The following PTGFRN variants were observed in gnomAD, a reference collection of about 807,000 sequenced individuals.
PTGFRN encodes prostaglandin F2 receptor inhibitor.
In PTGFRN, 35 loss-of-function variants were observed where a neutral mutation model predicts 83.2. The ratio of observed to expected loss-of-function variants is 0.42; its 90% CI spans 0.32 to 0.56. The LOEUF is 0.56. PTGFRN is among the 20% of genes least tolerant of loss of function. PTGFRN has a pLI of 0.11. For missense variants in PTGFRN, 1,051 were observed against 1,179.5 expected, an observed-to-expected ratio of 0.89 and a Z score of 1.60; for synonymous variants, 519 against 498.6, an observed-to-expected ratio of 1.04 and a Z score of -0.55.
chr1:116,977,726 G>A (rs957115836), intron 7 of PTGFRN, among the ~76,000 whole-genome samples: 20 of 152,208 alleles, frequency 1.3e-4, no homozygotes, highest in Non-Finnish European at 1.8e-4. Flanking sequence ...AAAGCAGTGT[G>A]TAGAGGGAAA....
At chr1:116,913,707 G>A (rs1570640715) in intron 1 of PTGFRN, among the ~76,000 whole-genome samples, 2 of 152,172 alleles carry the variant, frequency 1.3e-5, no homozygotes, top group Admixed American at 1.3e-4. Flanking sequence ...AACTCATACT[G>A]GTTGTTTGAT....
At chr1:116,915,589 A>G (rs1649383953) in intron 1 of PTGFRN, among the ~76,000 whole-genome samples, 3 of 152,222 alleles carry the variant, frequency 2.0e-5, no homozygotes, top group Admixed American at 1.3e-4. Context: ...GTCAGTGATC[A>G]TTCCTTACAA....
rs916469855 is a variant in PTGFRN at position 116,949,482 on chromosome 1, G to A, written c.1123G>A (p.Val375Met). 3 of 1,614,204 alleles carry A rather than the reference G, an allele frequency of 1.9e-6. No individual in the cohort carries two copies. The highest frequency in any genetic ancestry group is 2.2e-5 in the East Asian group (1 of 44,892). ...AAACTCTGGCTACTATTACTGCCAC[G>A]TGTCCCTGTGGGCACCCGGACACAA... ...KENSGYYYCH[V>M]SLWAPGHNRS... Residue 375 changes from valine to methionine, a missense_variant, in exon 4 of 9, where the codon GTG becomes ATG. Coordinates refer to ENST00000393203, the MANE Select transcript of PTGFRN (RefSeq NM_020440.4).
chr1:116,982,769 C>T (rs910047722), intron 7 of PTGFRN, among the ~76,000 whole-genome samples: 5 of 152,200 alleles, frequency 3.3e-5, no homozygotes, highest in Middle Eastern at 3.2e-3. Flanking sequence ...TCTGTCCCTT[C>T]ACTAGTCAGT....
chr1:116,963,167 C>T (rs1650721217), intron 5 of PTGFRN, among the ~76,000 whole-genome samples: 1 of 152,236 alleles, frequency 6.6e-6, no homozygotes, highest in African/African-American at 2.4e-5. Context: ...AACATGTTGA[C>T]TGGTCTCCCT....
intron 1 of PTGFRN, among the ~76,000 whole-genome samples, chr1:116,928,837 G>A (rs1649720000): frequency 6.6e-6 from 1 of 152,118 alleles, no homozygotes; most frequent in Non-Finnish European, 1.5e-5. Flanking sequence ...CTGAAAAAAA[G>A]TAAGGGCTCT....
Position 116,987,974 on chromosome 1 carries a change from T to C in PTGFRN, c.*1007T>C, listed in dbSNP as rs1651557358. On this transcript the variant is annotated 3_prime_UTR_variant, in exon 9 of 9. Transcript: ENST00000393203. Reference sequence around the variant, plus strand: ...CACTATTCCTCTCTCTTGCCCATTGTGGGGGGCAAAGGCATTGGTCACCAA... The same window carrying C: ...CACTATTCCTCTCTCTTGCCCATTGCGGGGGGCAAAGGCATTGGTCACCAA... 5 of 152,188 alleles carry C rather than the reference T, an allele frequency of 3.3e-5. No individual in the cohort carries two copies. The allele number at this position is 152,188 out of a possible 1,614,324, so 9.4% of individuals were successfully genotyped here. A position where few individuals can be genotyped will look rare whatever the true frequency, so the allele number is the denominator to read the frequency against.
intron 1 of PTGFRN, among the ~76,000 whole-genome samples, chr1:116,938,156 T>C (rs1649968257): frequency 6.6e-6 from 1 of 152,156 alleles, no homozygotes; most frequent in Non-Finnish European, 1.5e-5. Context: ...TGCTGGGTAG[T>C]GATATATTAT....
intron 3 of PTGFRN, among the ~76,000 whole-genome samples, chr1:116,948,842 T>C (rs111515534): frequency 0.012 from 1,828 of 152,328 alleles, 27 homozygotes; most frequent in African/African-American, 0.042. Flanking sequence ...TGTGTGACCT[T>C]GGGCAAGTTA....
intron 1 of PTGFRN, among the ~76,000 whole-genome samples, chr1:116,926,809 C>T (rs1649670582): frequency 6.6e-6 from 1 of 152,010 alleles, no homozygotes. Flanking sequence ...TGGAATAACA[C>T]ATGTATTAGA....
chr1:116,940,949 G>C (rs1175898394), intron 1 of PTGFRN, among the ~76,000 whole-genome samples: 1 of 152,166 alleles, frequency 6.6e-6, no homozygotes, highest in African/African-American at 2.4e-5. Context: ...GAGAGGGCTG[G>C]GAATTGCACA....
chr1:116,967,207 C>T lies in PTGFRN; in HGVS notation c.1936C>T (p.Gln646Ter), dbSNP rs140095202. The T allele has an allele frequency of 6.2e-7, 1 of 1,614,182 alleles. No individual in the cohort carries two copies. Among genetic ancestry groups the T allele is most frequent in the South Asian group, 1.1e-5 (1 of 91,080 alleles). ...DEFRYRMYQT[Q>*]VSDAGLYRCM... ...GTTCCGCTATCGAATGTACCAGACT[C>T]AGGTCTCAGACGCAGGGCTGTACCG... The change falls in exon 6 of 9, where the codon CAG (glutamine) becomes TAG (stop). Residue 646 changes from glutamine to a stop codon, truncating the protein, a stop_gained. Coordinates refer to ENST00000393203, the MANE Select transcript of PTGFRN (RefSeq NM_020440.4). LOFTEE classifies it high-confidence loss of function.
At chr1:116,981,501 G>C (rs900329732) in intron 7 of PTGFRN, among the ~76,000 whole-genome samples, 1 of 152,224 alleles carries the variant, frequency 6.6e-6, no homozygotes, top group Non-Finnish European at 1.5e-5. Flanking sequence ...AGCAAAGGGC[G>C]GTGGCCTGCA....
At chr1:116,914,885 C>T (rs1649362725) in intron 1 of PTGFRN, among the ~76,000 whole-genome samples, 1 of 152,080 alleles carries the variant, frequency 6.6e-6, no homozygotes, top group African/African-American at 2.4e-5. Flanking sequence ...AGGCTCTGCA[C>T]CTAATAGGCA....
chr1:116,951,444 T>C (rs1195763875), intron 4 of PTGFRN, among the ~76,000 whole-genome samples: 2 of 152,260 alleles, frequency 1.3e-5, no homozygotes, highest in Non-Finnish European at 2.9e-5. Flanking sequence ...ATACAGAACC[T>C]GCACCTTCCC....
At chr1:116,949,164 C>T in intron 3 of PTGFRN, 28 bp from the exon 4 acceptor site, 3 of 1,548,490 alleles carry the variant, frequency 1.9e-6, no homozygotes, top group Non-Finnish European at 2.6e-6. Context: ...ATCAGATTAC[C>T]TAGATGTATT....
chr1:116,955,735 A>AT (rs1472438425), intron 4 of PTGFRN, among the ~76,000 whole-genome samples: 4 of 152,192 alleles, frequency 2.6e-5, no homozygotes, highest in African/African-American at 7.2e-5. Flanking sequence ...GTATGTTAGT[A>AT]TTTTTTATGT....
chr1:116,911,420 G>A (rs1193873559), intron 1 of PTGFRN, among the ~76,000 whole-genome samples: 3 of 152,262 alleles, frequency 2.0e-5, no homozygotes, highest in East Asian at 1.9e-4. Flanking sequence ...TCCCCTGCTG[G>A]GGACACCGGG....
At chr1:116,925,600 G>A (rs1266086894) in intron 1 of PTGFRN, among the ~76,000 whole-genome samples, 4 of 152,146 alleles carry the variant, frequency 2.6e-5, no homozygotes, top group Non-Finnish European at 1.5e-5. Flanking sequence ...TCACCTGAAG[G>A]AGCTTAAGTC....
Sources: gnomAD v4.1 joint callset for allele counts (sites outside exome capture counted in the v4.1 genomes callset) on GRCh38, gnomAD v4.1.1 for gene constraint, MANE v1.5 for transcripts, NCBI Gene and HGNC (gene_info 2026-07-23, HGNC 2026-07-21) for gene names.